Variants in RAB37 observed in about 807,000 individuals in gnomAD.
The protein encoded by RAB37 is RAB37, member RAS oncogene family.
Under a neutral mutation model 33.1 loss-of-function variants are expected in RAB37, and 29 were observed. The ratio of observed to expected loss-of-function variants is 0.88; its 90% CI spans 0.65 to 1.20. The LOEUF (loss-of-function observed/expected upper bound fraction) is 1.20, where lower values mean the gene tolerates loss of function less well. RAB37 is among the 50% of genes most tolerant of loss of function. The pLI is 0.00. For synonymous variants in RAB37, 128 were observed against 119.5 expected, an observed-to-expected ratio of 1.07 and a Z score of -0.47; for missense variants, 299 against 301.1, an observed-to-expected ratio of 0.99 and a Z score of 0.05.
chr17:74,712,804 A>G (rs2034067060), intron 1 of RAB37: 2 of 1,613,702 alleles, frequency 1.2e-6, no homozygotes, highest in African/African-American at 1.3e-5. Context: ...CCCCAAGAAG[A>G]CAGACCCAGG....
chr17:74,695,305 G>T, intron 1 of RAB37: 1 of 1,603,066 alleles, frequency 6.2e-7, no homozygotes, highest in Non-Finnish European at 8.5e-7. Flanking sequence ...TGACGGTCAC[G>T]GGGCAGAGGA....
chr17:74,721,040 G>A (rs956881819), intron 1 of RAB37, among the ~76,000 whole-genome samples: 10 of 152,122 alleles, frequency 6.6e-5, no homozygotes, highest in Non-Finnish European at 1.2e-4. Context: ...CACTCTTGAC[G>A]TTCAGCTGCT....
chr17:74,741,241 G>A (rs912999348), intron 2 of RAB37, among the ~76,000 whole-genome samples: 3 of 152,222 alleles, frequency 2.0e-5, no homozygotes, highest in African/African-American at 7.2e-5. Flanking sequence ...GGCCTCAAAG[G>A]TCAATCAGTC....
chr17:74,745,455 A>G lies in RAB37; in HGVS notation c.*44A>G, dbSNP rs1171818601. 2 of 1,499,444 alleles carry G rather than the reference A, an allele frequency of 1.3e-6. No homozygotes were observed. The highest frequency in any genetic ancestry group is 1.9e-6 in the Non-Finnish European group (2 of 1,076,292). The allele number at this position is 1,499,444 out of a possible 1,614,324, so 92.9% of individuals were successfully genotyped here. Reference sequence around the variant, plus strand: ...GAGGCTCTGGAGGCACACAGGATGCAGCCTTCCCCCTCCCAGGCCTGGCTT... The same window carrying G: ...GAGGCTCTGGAGGCACACAGGATGCGGCCTTCCCCCTCCCAGGCCTGGCTT... On this transcript the variant is annotated 3_prime_UTR_variant, in exon 9 of 9. Coordinates refer to ENST00000392613, the MANE Select transcript of RAB37 (RefSeq NM_001006638.3). The surrounding 1 kb of genome is among the most constrained non-coding windows in gnomAD (Gnocchi z 4.5).
chr17:74,716,871 C>T (rs1194673219), intron 1 of RAB37, among the ~76,000 whole-genome samples: 3 of 152,334 alleles, frequency 2.0e-5, no homozygotes, highest in African/African-American at 7.2e-5. Flanking sequence ...CAGTGGCTCA[C>T]GCCTGTAATC....
upstream of RAB37, among the ~76,000 whole-genome samples, chr17:74,733,880 C>T (rs370123207): frequency 6.6e-6 from 1 of 152,088 alleles, no homozygotes; most frequent in Non-Finnish European, 1.5e-5. Flanking sequence ...CCAAGTATGA[C>T]ATTACCCACA....
In RAB37 at chr17:74,744,546, A is replaced by G. The variant is rs1383521280; in HGVS notation, c.432+173A>G. The G allele has an allele frequency of 6.0e-6, 4 of 671,294 alleles. No individual in the cohort carries two copies. In the East Asian group the frequency reaches 8.2e-5, roughly 14 times the overall value. 41.6% of individuals were successfully genotyped at this position (671,294 alleles called of 1,614,324 possible). On this transcript the variant is annotated intron_variant, in intron 6 of 8. Coordinates refer to ENST00000392613, the MANE Select transcript of RAB37 (RefSeq NM_001006638.3). This position sits in a 1 kb window ranked among gnomAD's most constrained non-coding sequence, Gnocchi z 4.2. ...TCTGCCCATCCCATCTGCCCCTTCC[A>G]GGGAAAGTCCAAGTTGTTGCCTGAG... is the stretch of plus-strand genomic sequence containing the variant.
At chr17:74,693,249 GC>G (rs1474532207) in intron 1 of RAB37, among the ~76,000 whole-genome samples, 1 of 152,208 alleles carries the variant, frequency 6.6e-6, no homozygotes, top group African/African-American at 2.4e-5. Context: ...AAATGCCAAG[GC>G]CCTAAGAAGG....
chr17:74,671,682 A>T lies in RAB37; in HGVS notation c.72+24A>T. 6.2e-7 allele frequency: 1 copy of T among 1,610,382 alleles called. No individual in the cohort carries two copies. The highest frequency in any genetic ancestry group is 1.3e-5 in the African/African-American group (1 of 74,972). On this transcript the variant is annotated intron_variant, in intron 1 of 7. Transcript: ENST00000340415. This position sits in a 1 kb window ranked among gnomAD's most constrained non-coding sequence, Gnocchi z 5.0. ...AGGTAAACATCTCCTGTATTCCTCA[A>T]CCTAACGTTGGAAGAGGCGCCAGCA...
At chr17:74,733,922 TC>T (rs2034429149), upstream of RAB37, among the ~76,000 whole-genome samples, 1 of 152,032 alleles carries the variant, frequency 6.6e-6, no homozygotes, top group South Asian at 2.1e-4. Flanking sequence ...GCAGCCCCTC[TC>T]CCCATGTTCA....
chr17:74,674,234 C>T (rs2031771520), intron 1 of RAB37, among the ~76,000 whole-genome samples: 1 of 152,052 alleles, frequency 6.6e-6, no homozygotes, highest in Non-Finnish European at 1.5e-5. Flanking sequence ...GCCACCATGC[C>T]TGGCTAATTT....
At chr17:74,691,308 T>C (rs2032153324) in intron 1 of RAB37, among the ~76,000 whole-genome samples, 2 of 152,004 alleles carry the variant, frequency 1.3e-5, no homozygotes, top group African/African-American at 4.8e-5. Flanking sequence ...CCCAGAATCG[T>C]TAAGAATTAA....
chr17:74,679,196 C>T, intron 1 of RAB37, among the ~76,000 whole-genome samples: 1 of 152,086 alleles, frequency 6.6e-6, no homozygotes, highest in African/African-American at 2.4e-5. Flanking sequence ...TACCCTCTCC[C>T]AGCAACTCTG....
At chr17:74,686,111 G>T (rs1034453471) in intron 1 of RAB37, among the ~76,000 whole-genome samples, 4 of 150,998 alleles carry the variant, frequency 2.6e-5, no homozygotes, top group Non-Finnish European at 5.9e-5. Context: ...TTTTTTTCTT[G>T]AGATAGAGTC....
At chr17:74,721,576 G>A (rs781237128) in intron 1 of RAB37, among the ~76,000 whole-genome samples, 1 of 152,004 alleles carries the variant, frequency 6.6e-6, no homozygotes, top group Non-Finnish European at 1.5e-5. Context: ...GGCATTACAG[G>A]TGCACGTCAC....
At chr17:74,733,491 G>A (rs866053881), upstream of RAB37, among the ~76,000 whole-genome samples, 107 of 135,184 alleles carry the variant, frequency 7.9e-4, no homozygotes, top group East Asian at 1.2e-3. Context: ...GAGGTGTGTG[G>A]TGTGATTTGA....
At chr17:74,689,740 T>TAAGC (rs1180810518) in intron 1 of RAB37, among the ~76,000 whole-genome samples, 1 of 152,190 alleles carries the variant, frequency 6.6e-6, no homozygotes, top group Non-Finnish European at 1.5e-5. Context: ...TTTCCAAGGC[T>TAAGC]AAGCAGCTTT....
rs963695048 is a variant in RAB37, at chr17:74,694,993, C to T, written c.72+23335C>T. 5 of 1,290,536 alleles carry T rather than the reference C, an allele frequency of 3.9e-6. No homozygotes were observed. In the Admixed American group the frequency reaches 6.8e-5, roughly 18 times the overall value. 79.9% of individuals were successfully genotyped at this position (1,290,536 alleles called of 1,614,324 possible). A position where few individuals can be genotyped will look rare whatever the true frequency, so the allele number is the denominator to read the frequency against. ...AATGCTGGCTGATCAGGCAGAGGCA[C>T]CAGTCCCCGGGTTGGTCCTGATGAG... On this transcript the variant is annotated intron_variant, in intron 1 of 7. Transcript: ENST00000340415.
intron 1 of RAB37, chr17:74,703,146 G>A: frequency 6.2e-7 from 1 of 1,611,770 alleles, no homozygotes; most frequent in African/African-American, 1.3e-5. Flanking sequence ...AGTCGACGCT[G>A]TAGTTGATGC....
Sources: allele counts gnomAD v4.1 joint callset (sites outside exome capture counted in the v4.1 genomes callset), GRCh38; gene constraint gnomAD v4.1.1; non-coding constraint Gnocchi (gnomAD v3.1); transcripts MANE v1.5; gene names NCBI Gene and HGNC (gene_info 2026-07-23, HGNC 2026-07-21).